Variants in CCAR2 observed in about 807,000 individuals in gnomAD.
CCAR2 encodes cell cycle and apoptosis regulator protein 2.
CCAR2 carries 21 observed loss-of-function variants against 108.1 expected under a neutral mutation model. The ratio of observed to expected loss-of-function variants is 0.19; its 90% CI spans 0.14 to 0.28. The LOEUF (loss-of-function observed/expected upper bound fraction) is 0.28, where lower values mean the gene tolerates loss of function less well. Ranked by LOEUF, CCAR2 falls within the 10% of genes least tolerant of loss-of-function variation. The probability of loss-of-function intolerance (pLI) is 1.00; values close to 1 mark genes in which losing one functional copy is unlikely to be tolerated. For synonymous variants in CCAR2, 577 were observed against 472.8 expected (o/e 1.22, Z -2.86); for missense variants, 1,126 against 1,177.0 (o/e 0.96, Z 0.63).
At chr8:22,619,109 T>G (rs1207166048) in intron 19 of CCAR2, 41 bp from the exon 20 acceptor site, 30 of 1,601,838 alleles carry the variant, frequency 1.9e-5, no homozygotes, top group Non-Finnish European at 2.5e-5. Flanking sequence ...GCTCTGGGCC[T>G]TGATGGAGCA....
At chr8:22,609,495 A>G (rs1207197123) in intron 7 of CCAR2, among the ~76,000 whole-genome samples, 1 of 152,120 alleles carries the variant, frequency 6.6e-6, no homozygotes, top group Non-Finnish European at 1.5e-5. Flanking sequence ...ATTGTTTGCC[A>G]TGGGGTTTCC....
intron 6 of CCAR2, 35 bp from the exon 7 acceptor site, chr8:22,607,934 G>A: frequency 6.3e-7 from 1 of 1,597,892 alleles, no homozygotes; most frequent in East Asian, 2.2e-5. Context: ...CCGGTTTTTA[G>A]GGTTTTTGAG....
At chr8:22,617,823 C>T (rs201489201) in intron 16 of CCAR2, 45 bp downstream of exon 16, 2 of 1,592,944 alleles carry the variant, frequency 1.3e-6, no homozygotes, top group African/African-American at 1.3e-5. Flanking sequence ...GGTGGTGAGG[C>T]TTGGCAAGGC....
At chr8:22,612,348 A>G (rs913826433) in intron 7 of CCAR2, among the ~76,000 whole-genome samples, 1 of 152,004 alleles carries the variant, frequency 6.6e-6, no homozygotes, top group Middle Eastern at 3.4e-3. Flanking sequence ...GCTCACTGCA[A>G]CTTCTACCTT....
chr8:22,606,213 T>C (rs1052536634), intron 3 of CCAR2, 37 bp downstream of exon 3: 4 of 1,439,832 alleles, frequency 2.8e-6, no homozygotes, highest in Middle Eastern at 1.7e-4. Context: ...TTTCAGCCCT[T>C]GGGACTGAAT....
chr8:22,618,343 T>A lies in CCAR2; in HGVS notation c.2074-6T>A. 2 of 1,614,174 alleles carry A rather than the reference T, an allele frequency of 1.2e-6. No individual in the cohort carries two copies. Among genetic ancestry groups the A allele is most frequent in the South Asian group, 1.1e-5 (1 of 91,088 alleles). On this transcript the variant is annotated splice_region_variant and splice_polypyrimidine_tract_variant and intron_variant, in intron 16 of 20. Transcript: ENST00000308511. ...CAAATCCTGCTCATCTTTGTTTTCTTTGCAGCCCAAGGAGCTGGATCCCTC... is the reference window on the plus strand; with the variant it reads ...CAAATCCTGCTCATCTTTGTTTTCTATGCAGCCCAAGGAGCTGGATCCCTC...
At chr8:22,611,975 C>T (rs1252817198) in intron 7 of CCAR2, among the ~76,000 whole-genome samples, 72 of 148,224 alleles carry the variant, frequency 4.9e-4, no homozygotes, top group African/African-American at 1.5e-3. Context: ...GACAGAGTAT[C>T]GCTTTGTTGC....
chr8:22,619,235 G>A lies in CCAR2; in HGVS notation c.2607G>A (p.Ala869=), dbSNP rs79622417. ...TGCAGGAGCTGCGAGTCCGGCTGGC[G>A]GAGGCCGAGGAGACCGCCCGGACGG... ...AEMQELRVRL[A]EAEETARTAE... The change falls in exon 20 of 21, where the codon GCG becomes GCA. Residue 869 remains alanine, a synonymous_variant. Transcript: ENST00000308511. 4.0e-4 allele frequency: 628 copies of A among 1,570,936 alleles called. 3 individuals carry two copies. The East Asian group carries it at 7.0e-3, about 17-fold the overall frequency.
chr8:22,613,976 A>T, intron 8 of CCAR2, 116 bp from the exon 9 acceptor site: 1 of 827,740 alleles, frequency 1.2e-6, no homozygotes, highest in Non-Finnish European at 1.9e-6. Flanking sequence ...GAGGTGCCTT[A>T]CTTCAAAAGT....
intron 7 of CCAR2, among the ~76,000 whole-genome samples, chr8:22,609,052 C>CTTT (rs71546822): frequency 3.0e-5 from 4 of 133,150 alleles, no homozygotes; most frequent in African/African-American, 8.5e-5. Context: ...CTTTTTTTTT[C>CTTT]TTTTTTTTTT....
chr8:22,611,224 G>A (rs1801262402), intron 7 of CCAR2, among the ~76,000 whole-genome samples: 1 of 151,824 alleles, frequency 6.6e-6, no homozygotes, highest in Non-Finnish European at 1.5e-5. Context: ...AGCCAGGCAT[G>A]GCGGTGGGTA....
In CCAR2 at chr8:22,606,652, C is replaced by T. The variant is rs1426030194; in HGVS notation, c.196C>T (p.His66Tyr). 6.2e-7 allele frequency: 1 copy of T among 1,614,202 alleles called. No individual in the cohort carries two copies. The highest frequency in any genetic ancestry group is 1.1e-5 in the South Asian group (1 of 91,082). The change falls in exon 4 of 21, where the codon CAT becomes TAT. Residue 66 changes from histidine (H) to tyrosine (Y), a missense_variant. Around this residue, in one of 4 missense-constraint regions of CCAR2, gnomAD observed 17 missense variants for 56.1 expected, o/e 0.30. Coordinates refer to ENST00000308511, the MANE Select transcript of CCAR2 (RefSeq NM_001393997.1). ...CTTCACTGGTATTGTTACCAGCTTGCATGACTACTTTGGGGTTGTGGATGA... is the reference window on the plus strand; with the variant it reads ...CTTCACTGGTATTGTTACCAGCTTGTATGACTACTTTGGGGTTGTGGATGA... ...RVFTGIVTSL[H>Y]DYFGVVDEEV...
In CCAR2 at chr8:22,607,216, ACCT is replaced by A. The variant is rs1422842651; in HGVS notation, c.383_385del (p.Pro128del). ...TGCAGCCCCTACTGAAGTCCCCAGCACCTCCTCTTCTGCATGTAGCAGCCCTGG... is the reference window on the plus strand; with the variant it reads ...TGCAGCCCCTACTGAAGTCCCCAGCACCTCTTCTGCATGTAGCAGCCCTGG... On this transcript the variant is annotated inframe_deletion, in exon 6 of 21. Coordinates refer to ENST00000308511, the MANE Select transcript of CCAR2 (RefSeq NM_001393997.1). The A allele has an allele frequency of 1.9e-6, 3 of 1,613,722 alleles. No homozygotes were observed. The highest frequency in any genetic ancestry group is 2.5e-6 in the Non-Finnish European group (3 of 1,179,938).
At chr8:22,610,894 T>C (rs1801246826) in intron 7 of CCAR2, among the ~76,000 whole-genome samples, 1 of 152,220 alleles carries the variant, frequency 6.6e-6, no homozygotes. Flanking sequence ...CACGTTATAA[T>C]GAATGGTCTA....
In CCAR2 at chr8:22,617,568, T is replaced by C. The variant is rs1801575042; in HGVS notation, c.1990+4T>C. The C allele has an allele frequency of 6.2e-7, 1 of 1,600,038 alleles. No individual in the cohort carries two copies. The highest frequency in any genetic ancestry group is 1.3e-5 in the African/African-American group (1 of 74,372). On this transcript the variant is annotated splice_donor_region_variant and intron_variant, in intron 15 of 20. Transcript: ENST00000308511. Reference sequence around the variant, plus strand: ...GATGATGGAGAGGAGGAGTTTGGTATGTTGAGTGGTGAGAGGGGAGCTTGC... The same window carrying C: ...GATGATGGAGAGGAGGAGTTTGGTACGTTGAGTGGTGAGAGGGGAGCTTGC...
chr8:22,606,719 C>T, intron 4 of CCAR2, 21 bp downstream of exon 4: 1 of 1,596,976 alleles, frequency 6.3e-7, no homozygotes, highest in Non-Finnish European at 8.6e-7. Context: ...GGTTGGTCCC[C>T]TAACGGAAAT....
intron 2 of CCAR2, 66 bp from the exon 3 acceptor site, chr8:22,606,019 C>A: frequency 6.9e-7 from 1 of 1,448,060 alleles, no homozygotes; most frequent in Non-Finnish European, 9.7e-7. Flanking sequence ...TTTACCACAT[C>A]CTTTGGTTGA....
intron 7 of CCAR2, among the ~76,000 whole-genome samples, chr8:22,611,436 G>GTGTATATA (rs1213108908): frequency 1.4e-5 from 2 of 146,010 alleles, no homozygotes; most frequent in African/African-American, 5.4e-5. Context: ...GTATATATGT[G>GTGTATATA]TGTGTGTATA....
Position 22,619,671 on chromosome 8 carries a change from C to T in CCAR2, c.2761C>T (p.Pro921Ser), listed in dbSNP as rs1289381497. The T allele has an allele frequency of 5.7e-6, 9 of 1,574,736 alleles. No homozygotes were observed. In the South Asian group the frequency reaches 7.0e-5, roughly 12 times the overall value. ...DSWVEKEEPA[P>S]SN Reference sequence around the variant, plus strand: ...CTGGGTGGAGAAGGAGGAGCCGGCACCTAGCAACTGACGGCCTCGCACGGA... The same window carrying T: ...CTGGGTGGAGAAGGAGGAGCCGGCATCTAGCAACTGACGGCCTCGCACGGA... Residue 921 changes from proline (P) to serine (S), a missense_variant, in exon 21 of 21, where the codon CCT becomes TCT. By Grantham distance (74) the Pro-to-Ser change is moderately conservative (BLOSUM62 -1). Transcript: ENST00000308511.
Sources: gnomAD v4.1 joint callset for allele counts (sites outside exome capture counted in the v4.1 genomes callset) on GRCh38, gnomAD v4.1.1 for gene constraint, gnomAD v4.1.1 regional missense constraint, MANE v1.5 for transcripts, NCBI Gene and HGNC (gene_info 2026-07-23, HGNC 2026-07-21) for gene names.